The following TIAM1 variants were observed in gnomAD, a reference collection of about 807,000 sequenced individuals.
TIAM1 encodes the protein TIAM Rac1 associated GEF 1.
TIAM1 carries 65 observed loss-of-function variants against 163.5 expected under a neutral mutation model. The observed-to-expected ratio is 0.40, with a 90% CI of 0.33 to 0.49. The LOEUF is 0.49. Ranked by LOEUF, TIAM1 falls within the 20% of genes least tolerant of loss-of-function variation. The pLI is 0.77. For missense variants in TIAM1, 1,789 were observed against 2,044.7 expected, an observed-to-expected ratio of 0.87 and a Z score of 2.41; for synonymous variants, 833 against 810.1, an observed-to-expected ratio of 1.03 and a Z score of -0.48.
chr21:31,320,768 C>T (rs3787679), intron 2 of TIAM1, among the ~76,000 whole-genome samples: 36,911 of 152,086 alleles, frequency 0.24, 5,047 homozygotes, highest in East Asian at 0.44. Context: ...CCGAAGCAGG[C>T]GGATCACTTG....
At chr21:31,353,726 A>T (rs1163457515) in intron 2 of TIAM1, among the ~76,000 whole-genome samples, 1 of 151,744 alleles carries the variant, frequency 6.6e-6, no homozygotes, top group Non-Finnish European at 1.5e-5. Context: ...TGAGGCTGGG[A>T]CCCCAGCTCT....
chr21:31,494,137 C>A (rs563966789), intron 1 of TIAM1, among the ~76,000 whole-genome samples: 3 of 152,278 alleles, frequency 2.0e-5, no homozygotes, highest in African/African-American at 7.2e-5. Context: ...TGGTCTCGAA[C>A]TCCTGATCTC....
intron 16 of TIAM1, among the ~76,000 whole-genome samples, chr21:31,158,945 G>A (rs921307712): frequency 6.6e-6 from 1 of 152,076 alleles, no homozygotes; most frequent in Non-Finnish European, 1.5e-5. Flanking sequence ...CACACCAAGC[G>A]CTGTAGCCAC....
At chr21:31,339,810 T>C (rs116078483) in intron 1 of TIAM1, among the ~76,000 whole-genome samples, 140 of 152,262 alleles carry the variant, frequency 9.2e-4, no homozygotes, top group African/African-American at 3.2e-3. Flanking sequence ...AGTGATGATC[T>C]CTTCCCTAAA....
chr21:31,486,223 G>T (rs193042918), intron 1 of TIAM1, among the ~76,000 whole-genome samples: 1 of 152,306 alleles, frequency 6.6e-6, no homozygotes, highest in East Asian at 1.9e-4. Context: ...ATCCAGCACT[G>T]GAACGCAGGA....
At chr21:31,315,196 C>A (rs1487887543) in intron 2 of TIAM1, among the ~76,000 whole-genome samples, 4 of 152,074 alleles carry the variant, frequency 2.6e-5, no homozygotes, top group Admixed American at 1.3e-4. Context: ...CATGGTGAAA[C>A]TCCATCTCTA....
At chr21:31,424,068 C>G (rs1027503754) in intron 2 of TIAM1, among the ~76,000 whole-genome samples, 2 of 152,148 alleles carry the variant, frequency 1.3e-5, no homozygotes, top group African/African-American at 4.8e-5. Context: ...TCTGCTGTTA[C>G]AGATACTTGA....
chr21:31,159,945 CCTT>C (rs1011595940), intron 16 of TIAM1, among the ~76,000 whole-genome samples: 4 of 152,164 alleles, frequency 2.6e-5, no homozygotes, highest in African/African-American at 9.7e-5. Context: ...ATATCTATCT[CCTT>C]CTCAAGGAAG....
At chr21:31,204,852 A>G (rs2086368891) in intron 11 of TIAM1, among the ~76,000 whole-genome samples, 1 of 152,244 alleles carries the variant, frequency 6.6e-6, no homozygotes, top group Non-Finnish European at 1.5e-5. Context: ...GTTTTCTATC[A>G]GTGATTCTTG....
Position 31,412,486 on chromosome 21 carries a change from T to A in TIAM1, c.-369+51497A>T, listed in dbSNP as rs569471810. On this transcript the variant is annotated intron_variant, in intron 2 of 28. Coordinates refer to the TIAM1 transcript ENST00000286827. ...CTCAGATCATCAGGCATTAGATTCT[T>A]ATAAGGTGCACGAAGCCAGGCACAG... 7.9e-5 allele frequency among the ~76,000 whole-genome samples: 12 copies of A among 151,930 alleles called. No individual in the cohort carries two copies. In the South Asian group the frequency reaches 2.5e-3, roughly 32 times the overall value.
chr21:31,222,676 CATATATATATATATATAT>C (rs146567405), intron 8 of TIAM1, among the ~76,000 whole-genome samples: 12 of 48,256 alleles, frequency 2.5e-4, no homozygotes, highest in South Asian at 1.4e-3. Context: ...TGTACACATA[CATATATATATATATATAT>C]ATATATATAT....
At chr21:31,475,511 C>T (rs2045910889) in intron 1 of TIAM1, among the ~76,000 whole-genome samples, 1 of 152,156 alleles carries the variant, frequency 6.6e-6, no homozygotes, top group Non-Finnish European at 1.5e-5. Context: ...TCATCTCTTC[C>T]CCTTCCTTGG....
At chr21:31,310,303 G>C (rs980577918) in intron 2 of TIAM1, among the ~76,000 whole-genome samples, 3 of 152,146 alleles carry the variant, frequency 2.0e-5, no homozygotes, top group Non-Finnish European at 4.4e-5. Context: ...TGAGAGCTTA[G>C]AACCAACTAG....
intron 2 of TIAM1, among the ~76,000 whole-genome samples, chr21:31,436,487 C>T (rs1319564189): frequency 1.3e-5 from 2 of 151,872 alleles, no homozygotes; most frequent in Non-Finnish European, 2.9e-5. Context: ...ATTAGCCAGG[C>T]ATGGTTACGC....
chr21:31,426,539 A>G (rs2043801497), intron 2 of TIAM1, among the ~76,000 whole-genome samples: 1 of 152,230 alleles, frequency 6.6e-6, no homozygotes. Flanking sequence ...TTCTAAAGGA[A>G]ATATAAAATA....
intron 2 of TIAM1, among the ~76,000 whole-genome samples, chr21:31,411,260 A>C (rs2077353145): frequency 1.3e-5 from 2 of 152,186 alleles, no homozygotes; most frequent in African/African-American, 4.8e-5. Flanking sequence ...AGCAAATATT[A>C]AAAGCTAGAG....
rs757312665 is a variant in TIAM1 at position 31,154,306 on chromosome 21, C to T, written c.3112G>A (p.Ala1038Thr). 2.4e-5 allele frequency: 38 copies of T among 1,614,040 alleles called. No homozygotes were observed. Among genetic ancestry groups the T allele is most frequent in the Non-Finnish European group, 2.9e-5 (34 of 1,180,040 alleles). ...QLATMRQLSD[A>T]DKLRKVICEL... ...CAGATCACCTTGCGCAGCTTATCTGCATCCGAGAGTTGTCTCATGGTCGCC... is the reference window on the plus strand; with the variant it reads ...CAGATCACCTTGCGCAGCTTATCTGTATCCGAGAGTTGTCTCATGGTCGCC... The change falls in exon 17 of 28, where the codon GCA (alanine) becomes ACA (threonine). Residue 1038 changes from alanine (A) to threonine (T), a missense_variant. By Grantham distance (58) the Ala-to-Thr change is moderately conservative (BLOSUM62 0). Transcript: ENST00000541036.
intron 2 of TIAM1, among the ~76,000 whole-genome samples, chr21:31,368,431 A>G (rs144008997): frequency 2.6e-5 from 4 of 152,236 alleles, no homozygotes; most frequent in Non-Finnish European, 5.9e-5. Context: ...AGCCACACGC[A>G]TAACATTTTT....
intron 2 of TIAM1, among the ~76,000 whole-genome samples, chr21:31,308,782 GGAGTTTGAACTT>G (rs1386705857): frequency 6.6e-6 from 1 of 152,100 alleles, no homozygotes. Flanking sequence ...GCCAGGACAA[GGAGTTTGAACTT>G]GATTCTGTCA....
Sources: allele counts gnomAD v4.1 joint callset (sites outside exome capture counted in the v4.1 genomes callset), GRCh38; gene constraint gnomAD v4.1.1; transcripts MANE v1.5; gene names NCBI Gene and HGNC (gene_info 2026-07-23, HGNC 2026-07-21).